BORCS5: variants seen among roughly 807,000 people sequenced by gnomAD.
The protein encoded by BORCS5 is BLOC-1 related complex subunit 5, also known as BLOC-1-related complex subunit 5.
Under a neutral mutation model 22.1 loss-of-function variants are expected in BORCS5, and 17 were observed. The ratio of observed to expected loss-of-function variants is 0.77; its 90% CI spans 0.53 to 1.15. The LOEUF (loss-of-function observed/expected upper bound fraction) is 1.15. Ranked by LOEUF, BORCS5 falls within the 50% of genes most tolerant of loss-of-function variation. The probability of loss-of-function intolerance (pLI) is 0.00; values close to 1 mark genes in which losing one functional copy is unlikely to be tolerated. For missense variants in BORCS5, 247 were observed against 253.2 expected (o/e 0.98, Z 0.17); for synonymous variants, 117 against 99.8 (o/e 1.17, Z -1.03).
chr12:12,452,692 C>T (rs1942933910), intron 3 of BORCS5, among the ~76,000 whole-genome samples: 1 of 152,256 alleles, frequency 6.6e-6, no homozygotes, highest in Non-Finnish European at 1.5e-5. Context: ...TGGTGCCATT[C>T]AGCCTGTGGC....
intron 2 of BORCS5, among the ~76,000 whole-genome samples, chr12:12,391,627 A>AT (rs952453973): frequency 6.6e-6 from 1 of 151,036 alleles, no homozygotes; most frequent in Non-Finnish European, 1.5e-5. Context: ...ACCTCAAATG[A>AT]TGCGCCCGCC....
intron 2 of BORCS5, among the ~76,000 whole-genome samples, chr12:12,399,630 C>A (rs977248632): frequency 6.6e-6 from 1 of 152,178 alleles, no homozygotes; most frequent in African/African-American, 2.4e-5. Flanking sequence ...TACCACAGAT[C>A]TAGAACTTCT....
intron 2 of BORCS5, among the ~76,000 whole-genome samples, chr12:12,406,690 T>C (rs1941603175): frequency 6.6e-6 from 1 of 152,018 alleles, no homozygotes; most frequent in Non-Finnish European, 1.5e-5. Flanking sequence ...CTGTTAACCA[T>C]ATAAAAATAA....
intron 2 of BORCS5, among the ~76,000 whole-genome samples, chr12:12,413,705 G>A (rs1452137888): frequency 2.5e-5 from 3 of 118,964 alleles, no homozygotes; most frequent in African/African-American, 1.1e-4. Context: ...GGCCGGGCGG[G>A]GGGCTGACCC....
At position 12,469,110 on chromosome 12, in the gene BORCS5, T is replaced by C. The variant is rs1178254691; in HGVS notation, c.*3334T>C. The C allele has an allele frequency of 6.6e-6, 1 of 152,226 alleles. No homozygotes were observed. Among genetic ancestry groups the C allele is most frequent in the Non-Finnish European group, 1.5e-5 (1 of 68,068 alleles). 9.4% of individuals were successfully genotyped at this position (152,226 alleles called of 1,614,324 possible). A position where few individuals can be genotyped will look rare whatever the true frequency, so the allele number is the denominator to read the frequency against. ...GCTCACACCTGTAATCCCAGCACTT[T>C]GGGAGGCCGAGACGAGTGGATCACC... is the stretch of plus-strand genomic sequence containing the variant. On this transcript the variant is annotated 3_prime_UTR_variant, in exon 4 of 4. Coordinates refer to ENST00000314565, the MANE Select transcript of BORCS5 (RefSeq NM_058169.6).
chr12:12,380,292 A>AAG (rs1397624361), intron 2 of BORCS5, among the ~76,000 whole-genome samples: 1 of 151,398 alleles, frequency 6.6e-6, no homozygotes, highest in African/African-American at 2.4e-5. Flanking sequence ...AATTTGTAAA[A>AAG]AAAAACACAG....
At chr12:12,414,149 G>A (rs867940876) in intron 2 of BORCS5, among the ~76,000 whole-genome samples, 10,004 of 67,238 alleles carry the variant, frequency 0.15, 1,361 homozygotes, top group African/African-American at 0.28. Flanking sequence ...GCGGCTGGCC[G>A]GGCGGGGGGC....
chr12:12,400,105 A>G (rs1941434210), intron 2 of BORCS5, among the ~76,000 whole-genome samples: 1 of 152,198 alleles, frequency 6.6e-6, no homozygotes, highest in African/African-American at 2.4e-5. Context: ...AGGCTGAATT[A>G]AGTTGAAGAA....
At chr12:12,439,318 G>A (rs73061496) in intron 3 of BORCS5, among the ~76,000 whole-genome samples, 2,625 of 152,184 alleles carry the variant, frequency 0.017, 42 homozygotes, top group Non-Finnish European at 0.02. Flanking sequence ...CAGTGTTTTG[G>A]AGCATTCATT....
intron 2 of BORCS5, among the ~76,000 whole-genome samples, chr12:12,425,279 A>G (rs1178105831): frequency 2.6e-5 from 4 of 152,232 alleles, no homozygotes; most frequent in Non-Finnish European, 5.9e-5. Context: ...GCAAGCCTTC[A>G]ATAGACTCTA....
intron 2 of BORCS5, among the ~76,000 whole-genome samples, chr12:12,421,262 G>A (rs185488139): frequency 5.3e-5 from 8 of 152,236 alleles, no homozygotes; most frequent in Admixed American, 1.3e-4. Flanking sequence ...AGCATGAAGC[G>A]CTGTTGAATT....
At chr12:12,392,968 C>A (rs1941234643) in intron 2 of BORCS5, among the ~76,000 whole-genome samples, 6 of 151,996 alleles carry the variant, frequency 3.9e-5, no homozygotes, top group Admixed American at 3.9e-4. Context: ...GTGGCTCATG[C>A]CTATAATGCA....
At chr12:12,372,228 C>T (rs1041414017) in intron 2 of BORCS5, among the ~76,000 whole-genome samples, 13 of 152,148 alleles carry the variant, frequency 8.5e-5, no homozygotes, top group African/African-American at 1.7e-4. Flanking sequence ...TTAGTAGAGA[C>T]GGGGTTTCGC....
intron 3 of BORCS5, among the ~76,000 whole-genome samples, chr12:12,450,643 T>G (rs1181738823): frequency 6.6e-6 from 1 of 152,236 alleles, no homozygotes; most frequent in Non-Finnish European, 1.5e-5. Context: ...GGTATGTATT[T>G]AATTGAAATG....
intron 2 of BORCS5, among the ~76,000 whole-genome samples, chr12:12,364,357 C>T (rs1244908833): frequency 3.4e-5 from 5 of 145,920 alleles, no homozygotes; most frequent in Non-Finnish European, 7.5e-5. Context: ...GCCTGGGTGA[C>T]AGAGTGAGAC....
rs949368489 is a variant in BORCS5, at chr12:12,452,348, T to C, written c.361-13198T>C. The C allele has an allele frequency of 1.7e-5, 12 of 687,844 alleles. 1 individual carries two copies. The highest frequency in any genetic ancestry group is 2.9e-5 in the Non-Finnish European group (11 of 381,824). 42.6% of individuals were successfully genotyped at this position (687,844 alleles called of 1,614,324 possible). A position where few individuals can be genotyped will look rare whatever the true frequency, so the allele number is the denominator to read the frequency against. On this transcript the variant is annotated intron_variant, in intron 3 of 3. Transcript: ENST00000314565. ...TTCTGCAAGAATATTGTGAACCGTG[T>C]CTACATGGAAAATCAAATCCAGTTC...
chr12:12,460,433 C>T (rs568727216), intron 3 of BORCS5, among the ~76,000 whole-genome samples: 1 of 152,214 alleles, frequency 6.6e-6, no homozygotes, highest in South Asian at 2.1e-4. Context: ...ATCATGTCAT[C>T]TGCAGATAAA....
At chr12:12,368,281 GT>G (rs558666534) in intron 2 of BORCS5, among the ~76,000 whole-genome samples, 268 of 129,428 alleles carry the variant, frequency 2.1e-3, no homozygotes, top group Middle Eastern at 4.2e-3. Context: ...ATTCTGTTTT[GT>G]TTTTTTTTTT....
At chr12:12,417,696 C>A (rs1942005505) in intron 2 of BORCS5, among the ~76,000 whole-genome samples, 1 of 152,116 alleles carries the variant, frequency 6.6e-6, no homozygotes, top group South Asian at 2.1e-4. Context: ...AACTCTGTCA[C>A]CCAGGCTGCA....
Sources: allele counts gnomAD v4.1 joint callset (sites outside exome capture counted in the v4.1 genomes callset), GRCh38; gene constraint gnomAD v4.1.1; transcripts MANE v1.5; gene names NCBI Gene and HGNC (gene_info 2026-07-23, HGNC 2026-07-21).